The following PABPC4L variants were observed in gnomAD, a reference collection of about 807,000 sequenced individuals.
PABPC4L encodes polyadenylate-binding protein 4-like.
For missense variants in PABPC4L, 452 were observed against 451.4 expected, an observed-to-expected ratio of 1.00 and a Z score of -0.01; for synonymous variants, 169 against 164.1, an observed-to-expected ratio of 1.03 and a Z score of -0.23.
the PABPC4L span, among the ~76,000 whole-genome samples, chr4:134,030,046 G>A: frequency 6.6e-6 from 1 of 152,076 alleles, no homozygotes; most frequent in African/African-American, 2.4e-5. Context: ...CTTCTGCCAT[G>A]ATTTTAAGTT....
At chr4:134,191,435 T>A (rs1446003944), downstream of PABPC4L, among the ~76,000 whole-genome samples, 5 of 152,100 alleles carry the variant, frequency 3.3e-5, no homozygotes, top group African/African-American at 1.2e-4. Context: ...ATATGCCACA[T>A]GTTAGCTATA....
chr4:133,999,451 C>T, the PABPC4L span, among the ~76,000 whole-genome samples: 3 of 151,780 alleles, frequency 2.0e-5, no homozygotes, highest in Non-Finnish European at 2.9e-5. Context: ...TTATTTTGGT[C>T]TTGTTGGTTT....
At position 134,200,187 on chromosome 4, in the gene PABPC4L, A is replaced by G; in HGVS notation, c.833T>C (p.Met278Thr). The G allele has an allele frequency of 1.3e-6, 2 of 1,551,496 alleles. No individual in the cohort carries two copies. The highest frequency in any genetic ancestry group is 1.7e-6 in the Non-Finnish European group (2 of 1,146,926). Residue 278 changes from methionine (M) to threonine (T), a missense_variant, in exon 2 of 2, where the codon ATG becomes ACG. Coordinates refer to ENST00000421491, the MANE Select transcript of PABPC4L (RefSeq NM_001114734.2). ...TCGTTCCCTTTTCAGCTGCTCAAAC[A>G]TTTGCTTTAACTCAGCCTGTCGCTC... ...KVERQAELKQMFEQLKRERIR... is the reference protein window; with the variant it reads ...KVERQAELKQTFEQLKRERIR...
chr4:134,134,242 C>A, the PABPC4L span, among the ~76,000 whole-genome samples: 1 of 151,924 alleles, frequency 6.6e-6, no homozygotes, highest in Admixed American at 6.6e-5. Flanking sequence ...GCTGTTGAAG[C>A]CTACAGTTTA....
At chr4:134,124,524 T>C in the PABPC4L span, among the ~76,000 whole-genome samples, 1 of 152,116 alleles carries the variant, frequency 6.6e-6, no homozygotes. Flanking sequence ...TCTGTGTGCA[T>C]ACTCCAAATT....
chr4:134,090,139 T>C, the PABPC4L span, among the ~76,000 whole-genome samples: 1 of 152,048 alleles, frequency 6.6e-6, no homozygotes, highest in Non-Finnish European at 1.5e-5. Context: ...ATCCCAACGG[T>C]TCTGCATGAC....
chr4:134,069,016 G>T, the PABPC4L span, among the ~76,000 whole-genome samples: 1 of 152,050 alleles, frequency 6.6e-6, no homozygotes, highest in Non-Finnish European at 1.5e-5. Context: ...AGCCATGATA[G>T]GTCTTAGGGT....
the PABPC4L span, among the ~76,000 whole-genome samples, chr4:134,008,614 T>C: frequency 7.9e-5 from 12 of 151,874 alleles, no homozygotes; most frequent in Non-Finnish European, 1.6e-4. Context: ...TAGAAATAGA[T>C]CAAATTTAGC....
chr4:133,967,601 T>G, the PABPC4L span, among the ~76,000 whole-genome samples: 1,225 of 152,264 alleles, frequency 8.0e-3, 14 homozygotes, highest in African/African-American at 0.028. Context: ...ACAAGGACAC[T>G]GAACAAGAAT....
At chr4:134,101,518 G>C in the PABPC4L span, among the ~76,000 whole-genome samples, 4 of 150,860 alleles carry the variant, frequency 2.7e-5, no homozygotes, top group Non-Finnish European at 5.9e-5. Flanking sequence ...ATTTTACTTG[G>C]ATAGGAAAAG....
the PABPC4L span, among the ~76,000 whole-genome samples, chr4:134,157,519 T>C: frequency 3.3e-5 from 5 of 151,834 alleles, no homozygotes; most frequent in Non-Finnish European, 5.9e-5. Context: ...ACAGTTCTTT[T>C]TGCAGCTGCA....
At chr4:133,987,193 A>C in the PABPC4L span, among the ~76,000 whole-genome samples, 1 of 152,318 alleles carries the variant, frequency 6.6e-6, no homozygotes, top group Non-Finnish European at 1.5e-5. Context: ...AATACTGCTC[A>C]TATCACATTG....
In PABPC4L at chr4:134,200,838, A is replaced by G. The variant is rs1234947522; in HGVS notation, c.182T>C (p.Leu61Pro). 22 of 1,559,846 alleles carry G rather than the reference A, an allele frequency of 1.4e-5. No homozygotes were observed. Among genetic ancestry groups the G allele is most frequent in the Non-Finnish European group, 1.9e-5 (22 of 1,151,538 alleles). Residue 61 changes from leucine (L) to proline (P), a missense_variant, in exon 2 of 2, where the codon CTG (leucine) becomes CCG (proline). Coordinates refer to ENST00000421491, the MANE Select transcript of PABPC4L (RefSeq NM_001114734.2). ...LGYAYVNFLQLADAQKALDTM... is the reference protein window; with the variant it reads ...LGYAYVNFLQPADAQKALDTM... ...GTCCAGCGCCTTCTGGGCATCAGCC[A>G]GCTGCAAGAAGTTCACGTAGGCATA...
At chr4:134,133,269 ATTAT>A in the PABPC4L span, among the ~76,000 whole-genome samples, 2 of 138,420 alleles carry the variant, frequency 1.4e-5, no homozygotes, top group Admixed American at 7.5e-5. Context: ...AATATACTAA[ATTAT>A]TTATTATATA....
the PABPC4L span, among the ~76,000 whole-genome samples, chr4:134,170,465 A>T: frequency 6.6e-6 from 1 of 152,094 alleles, no homozygotes; most frequent in Non-Finnish European, 1.5e-5. Flanking sequence ...AATAGGTTTA[A>T]TTGCCTCACG....
At chr4:134,104,998 C>G in the PABPC4L span, among the ~76,000 whole-genome samples, 2 of 151,510 alleles carry the variant, frequency 1.3e-5, no homozygotes, top group Non-Finnish European at 1.5e-5. Flanking sequence ...GAAGTGCTGC[C>G]CAACAAGATG....
chr4:134,100,373 C>G, the PABPC4L span, among the ~76,000 whole-genome samples: 1 of 151,516 alleles, frequency 6.6e-6, no homozygotes. Flanking sequence ...AGAAACTAAA[C>G]AACACATTAC....
chr4:134,018,786 T>G, the PABPC4L span, among the ~76,000 whole-genome samples: 1 of 152,244 alleles, frequency 6.6e-6, no homozygotes, highest in South Asian at 2.1e-4. Flanking sequence ...TAAAATATAA[T>G]TAATTGATGA....
chr4:134,015,793 T>A, the PABPC4L span, among the ~76,000 whole-genome samples: 1 of 152,152 alleles, frequency 6.6e-6, no homozygotes, highest in Non-Finnish European at 1.5e-5. Flanking sequence ...CTGTTTTGCC[T>A]AGCCCTCAAG....
Sources: allele counts gnomAD v4.1 joint callset (sites outside exome capture counted in the v4.1 genomes callset), GRCh38; gene constraint gnomAD v4.1.1; transcripts MANE v1.5; gene names NCBI Gene and HGNC (gene_info 2026-07-23, HGNC 2026-07-21).